Variants in NEGR1 observed in about 807,000 individuals in gnomAD.
The protein encoded by NEGR1 is IgLON family member 4.
A neutral mutation model predicts 40.9 loss-of-function variants in NEGR1; 10 were observed. The ratio of observed to expected loss-of-function variants is 0.24; its 90% confidence interval spans 0.15 to 0.42. The LOEUF is 0.42. NEGR1 is among the 10% of genes least tolerant of loss of function. NEGR1 has a pLI of 1.00. For missense variants in NEGR1, 352 were observed against 438.9 expected (o/e 0.80, Z 1.77); for synonymous variants, 185 against 166.8 (o/e 1.11, Z -0.84).
intron 2 of NEGR1, among the ~76,000 whole-genome samples, chr1:71,813,502 G>A (rs947383208): frequency 6.6e-6 from 1 of 151,938 alleles, no homozygotes; most frequent in Non-Finnish European, 1.5e-5. Flanking sequence ...AAATAGCATT[G>A]AATCTATAAA....
chr1:71,899,895 C>T (rs1488377718), intron 2 of NEGR1, among the ~76,000 whole-genome samples: 4 of 152,154 alleles, frequency 2.6e-5, no homozygotes, highest in African/African-American at 7.2e-5. Flanking sequence ...CTCTAAATGC[C>T]CTGGCCCTGC....
chr1:72,053,452 T>C (rs1161411916), intron 1 of NEGR1, among the ~76,000 whole-genome samples: 2 of 151,060 alleles, frequency 1.3e-5, no homozygotes, highest in Non-Finnish European at 3.0e-5. Context: ...AGCCTATATA[T>C]AGGAAAAATC....
intron 2 of NEGR1, among the ~76,000 whole-genome samples, chr1:71,824,503 G>A (rs1240547464): frequency 3.3e-5 from 5 of 151,886 alleles, no homozygotes; most frequent in African/African-American, 4.8e-5. Flanking sequence ...GAGAAAGGAG[G>A]TGACAACAGA....
intron 2 of NEGR1, among the ~76,000 whole-genome samples, chr1:71,797,020 G>C (rs1239990193): frequency 6.6e-6 from 1 of 152,094 alleles, no homozygotes; most frequent in Non-Finnish European, 1.5e-5. Flanking sequence ...GATGGTGAGA[G>C]ACAGGATTTG....
In NEGR1 at chr1:71,402,296, A is replaced by C. The variant is rs960572584; in HGVS notation, c.*5150T>G. 6.6e-6 allele frequency: 1 copy of C among 152,204 alleles called. No individual in the cohort carries two copies. The highest frequency in any genetic ancestry group is 2.4e-5 in the African/African-American group (1 of 41,450). 9.4% of individuals were successfully genotyped at this position (152,204 alleles called of 1,614,324 possible). A position where few individuals can be genotyped will look rare whatever the true frequency, so the allele number is the denominator to read the frequency against. On this transcript the variant is annotated 3_prime_UTR_variant, in exon 7 of 7. Coordinates refer to ENST00000357731, the MANE Select transcript of NEGR1 (RefSeq NM_173808.3). The stretch of plus-strand genomic sequence containing the variant: ...AAGCCACAATAGCAACACTTGCAAA[A>C]GTGCTCCATTGTAAAATGCAAAGGA...
intron 1 of NEGR1, among the ~76,000 whole-genome samples, chr1:72,083,841 G>A (rs898845904): frequency 5.9e-5 from 9 of 151,950 alleles, no homozygotes; most frequent in African/African-American, 1.9e-4. Context: ...CACTATCAAC[G>A]TTCTGCCCCA....
At chr1:71,649,090 G>T in intron 4 of NEGR1, among the ~76,000 whole-genome samples, 1 of 151,974 alleles carries the variant, frequency 6.6e-6, no homozygotes, top group East Asian at 1.9e-4. Flanking sequence ...TATCCAAGAA[G>T]CATGTGTAAA....
At chr1:71,767,678 G>T (rs1656178599) in intron 3 of NEGR1, among the ~76,000 whole-genome samples, 1 of 152,184 alleles carries the variant, frequency 6.6e-6, no homozygotes, top group Non-Finnish European at 1.5e-5. Flanking sequence ...TAAAAAGAAG[G>T]TAAAGGCTGA....
chr1:72,159,438 A>C lies in NEGR1; in HGVS notation c.176+122881T>G, dbSNP rs576585005. On this transcript the variant is annotated intron_variant, in intron 1 of 6. Coordinates refer to ENST00000357731, the MANE Select transcript of NEGR1 (RefSeq NM_173808.3). ...ATTCACATTAGTGAGTAAATGGGTC[A>C]CTAGATTCTGCACAATGTAAAACCT... 2.6e-5 allele frequency among the ~76,000 whole-genome samples: 4 copies of C among 152,270 alleles called. No homozygotes were observed. The East Asian group carries it at 7.7e-4, about 29-fold the overall frequency.
intron 3 of NEGR1, among the ~76,000 whole-genome samples, chr1:71,756,442 G>A (rs1655746564): frequency 6.7e-6 from 1 of 149,398 alleles, no homozygotes; most frequent in Admixed American, 6.7e-5. Context: ...AACCACATCA[G>A]GCCTCTACTG....
chr1:71,913,128 A>T (rs1333853780), intron 2 of NEGR1, among the ~76,000 whole-genome samples: 1 of 152,076 alleles, frequency 6.6e-6, no homozygotes, highest in Non-Finnish European at 1.5e-5. Context: ...TTAATTAATT[A>T]ATTCTGAGAT....
chr1:71,876,356 T>C (rs1339141171), intron 2 of NEGR1, among the ~76,000 whole-genome samples: 2 of 151,788 alleles, frequency 1.3e-5, no homozygotes, highest in African/African-American at 2.4e-5. Context: ...ACTACAAATA[T>C]ATACAAAAAT....
At chr1:71,773,670 T>G (rs1457958761) in intron 3 of NEGR1, among the ~76,000 whole-genome samples, 2 of 152,210 alleles carry the variant, frequency 1.3e-5, no homozygotes, top group East Asian at 3.8e-4. Flanking sequence ...TTGTAAGTGT[T>G]TATAAAAATC....
intron 1 of NEGR1, among the ~76,000 whole-genome samples, chr1:72,264,187 G>A (rs941771051): frequency 6.6e-6 from 1 of 151,318 alleles, no homozygotes; most frequent in Admixed American, 6.6e-5. Flanking sequence ...AAATCAGATT[G>A]AGTTCCAATC....
chr1:71,973,508 T>C (rs536715057), intron 1 of NEGR1, among the ~76,000 whole-genome samples: 1 of 152,280 alleles, frequency 6.6e-6, no homozygotes, highest in South Asian at 2.1e-4. Context: ...ATAGAGATTT[T>C]AATTTTCATC....
At chr1:72,100,021 C>A (rs979970990) in intron 1 of NEGR1, among the ~76,000 whole-genome samples, 1 of 151,844 alleles carries the variant, frequency 6.6e-6, no homozygotes, top group African/African-American at 2.4e-5. Context: ...TTTGGCATTG[C>A]CAACATAGAA....
chr1:71,878,199 T>G (rs1179410589), intron 2 of NEGR1, among the ~76,000 whole-genome samples: 1 of 152,142 alleles, frequency 6.6e-6, no homozygotes, highest in East Asian at 1.9e-4. Flanking sequence ...TTCCTTAACC[T>G]TTTTTTGCAA....
At chr1:71,761,815 T>A (rs1265596626) in intron 3 of NEGR1, among the ~76,000 whole-genome samples, 1 of 151,842 alleles carries the variant, frequency 6.6e-6, no homozygotes, top group Non-Finnish European at 1.5e-5. Flanking sequence ...TATAAAAAAA[T>A]TTTCTAAATA....
At chr1:72,144,237 G>A (rs960198964) in intron 1 of NEGR1, among the ~76,000 whole-genome samples, 7 of 151,312 alleles carry the variant, frequency 4.6e-5, no homozygotes, top group Non-Finnish European at 7.4e-5. Flanking sequence ...CCAATCATTC[G>A]TTCATTCACT....
Sources: allele counts gnomAD v4.1 joint callset (sites outside exome capture counted in the v4.1 genomes callset), GRCh38; gene constraint gnomAD v4.1.1; transcripts MANE v1.5; gene names NCBI Gene and HGNC (gene_info 2026-07-23, HGNC 2026-07-21).